Variants in TNFAIP8L1 observed in about 807,000 individuals in gnomAD.
The protein encoded by TNFAIP8L1 is tumor necrosis factor alpha-induced protein 8-like protein 1.
For missense variants in TNFAIP8L1, 225 were observed against 266.1 expected (o/e 0.85, Z 1.08); for synonymous variants, 127 against 125.6 (o/e 1.01, Z -0.08).
At position 4,646,989 on chromosome 19, in the gene TNFAIP8L1, G is replaced by A. The variant is rs562563293; in HGVS notation, c.-3-4878G>A. Among the ~76,000 whole-genome samples the A allele has an allele frequency of 2.5e-4, 38 of 152,312 alleles. No homozygotes were observed. In the South Asian group the frequency reaches 5.0e-3, roughly 20 times the overall value. ...TTGTGGCCTTGTGTGTCTGGCTTCT[G>A]TCACTGGGAATGATGTCCTCAAGGT... On this transcript the variant is annotated intron_variant, in intron 1 of 1. Coordinates refer to ENST00000327473, the MANE Select transcript of TNFAIP8L1 (RefSeq NM_152362.3).
Position 4,641,293 on chromosome 19 carries a change from G to A in TNFAIP8L1, c.-4+1664G>A, listed in dbSNP as rs1284665899. The A allele has an allele frequency of 1.3e-5, 2 of 151,960 alleles. No homozygotes were observed. Among genetic ancestry groups the A allele is most frequent in the Non-Finnish European group, 2.9e-5 (2 of 68,008 alleles). The allele number at this position is 151,960 out of a possible 1,614,324, so 9.4% of individuals were successfully genotyped here. On this transcript the variant is annotated intron_variant, in intron 1 of 1. Coordinates refer to ENST00000327473, the MANE Select transcript of TNFAIP8L1 (RefSeq NM_152362.3). This position sits in a 1 kb window ranked among gnomAD's most constrained non-coding sequence, Gnocchi z 4.6. ...GTCTGTCCAATGGGGCCACGAAAGG[G>A]TGCCTTGAGGACAAAACTCCAGCCG...
In TNFAIP8L1 at chr19:4,652,411, T is replaced by G; in HGVS notation, c.542T>G (p.Leu181Arg). 2.0e-6 allele frequency: 3 copies of G among 1,533,206 alleles called. No homozygotes were observed. Among genetic ancestry groups the G allele is most frequent in the Non-Finnish European group, 2.6e-6 (3 of 1,138,272 alleles). 95.0% of individuals were successfully genotyped at this position (1,533,206 alleles called of 1,614,324 possible). ...RRICEGLGRM[L>R]DEGSL is the part of the protein sequence containing the mutation. ...ATCTGCGAGGGCCTGGGCCGGATGCTGGACGAGGGCAGCCTCTGAACCCCG... is the reference window on the plus strand; with the variant it reads ...ATCTGCGAGGGCCTGGGCCGGATGCGGGACGAGGGCAGCCTCTGAACCCCG... Residue 181 changes from leucine to arginine, a missense_variant, in exon 2 of 2, where the codon CTG becomes CGG. Leu to Arg is a moderately radical substitution (Grantham distance 102, BLOSUM62 -2). Coordinates refer to ENST00000327473, the MANE Select transcript of TNFAIP8L1 (RefSeq NM_152362.3).
At chr19:4,647,113 T>C (rs1347046376) in intron 1 of TNFAIP8L1, among the ~76,000 whole-genome samples, 2 of 152,212 alleles carry the variant, frequency 1.3e-5, no homozygotes, top group Admixed American at 1.3e-4. Flanking sequence ...CATTCACCCA[T>C]TAATGGACAT....
chr19:4,649,338 C>T (rs960802891), intron 1 of TNFAIP8L1, among the ~76,000 whole-genome samples: 1 of 152,036 alleles, frequency 6.6e-6, no homozygotes, highest in African/African-American at 2.4e-5. Context: ...TGGTTGCAGC[C>T]TCTCGTCCAG....
intron 1 of TNFAIP8L1, among the ~76,000 whole-genome samples, chr19:4,648,851 G>A (rs192675717): frequency 6.6e-6 from 1 of 151,960 alleles, no homozygotes; most frequent in African/African-American, 2.4e-5. Context: ...GAGTCCCCTC[G>A]GTTTATTCAT....
In TNFAIP8L1 at chr19:4,645,646, G is replaced by A. The variant is rs75888064; in HGVS notation, c.-4+6017G>A. ...TTAAATAAAGTACATTTAAGCCAGG[G>A]GTGGTAGCTCACACCTGTAGTCCCA... On this transcript the variant is annotated intron_variant, in intron 1 of 1. Transcript: ENST00000327473. This position sits in a 1 kb window ranked among gnomAD's most constrained non-coding sequence, Gnocchi z 4.1. 7.4e-3 allele frequency among the ~76,000 whole-genome samples: 1,127 copies of A among 151,644 alleles called. 13 individuals are homozygous for A. The highest frequency in any genetic ancestry group is 0.01 in the Non-Finnish European group (702 of 67,832).
chr19:4,640,246 C>CT (rs1179955120), intron 1 of TNFAIP8L1: 9 of 152,292 alleles, frequency 5.9e-5, no homozygotes, highest in Admixed American at 5.2e-4. Flanking sequence ...GGATGGGAAA[C>CT]TAAGGCCTAG....
At chr19:4,648,376 C>T (rs975309259) in intron 1 of TNFAIP8L1, among the ~76,000 whole-genome samples, 45 of 152,162 alleles carry the variant, frequency 3.0e-4, no homozygotes, top group African/African-American at 9.2e-4. Context: ...TTTTGGTCCT[C>T]GGCCTGTTCC....
At chr19:4,649,417 C>T (rs1166312175) in intron 1 of TNFAIP8L1, among the ~76,000 whole-genome samples, 1 of 152,130 alleles carries the variant, frequency 6.6e-6, no homozygotes, top group African/African-American at 2.4e-5. Flanking sequence ...AAGTTCGTTC[C>T]GATCTTCCCC....
At chr19:4,649,821 C>T (rs561973353) in intron 1 of TNFAIP8L1, among the ~76,000 whole-genome samples, 12 of 152,256 alleles carry the variant, frequency 7.9e-5, no homozygotes, top group African/African-American at 1.2e-4. Flanking sequence ...AGGGCAGGGG[C>T]GGCCCATCCA....
intron 1 of TNFAIP8L1, among the ~76,000 whole-genome samples, chr19:4,643,215 G>C (rs1221327297): frequency 6.6e-6 from 1 of 151,512 alleles, no homozygotes; most frequent in Non-Finnish European, 1.5e-5. Context: ...GGAGGCGGAG[G>C]TTGCAGTGAG....
intron 1 of TNFAIP8L1, among the ~76,000 whole-genome samples, chr19:4,648,139 C>T (rs2088329221): frequency 6.6e-6 from 1 of 152,214 alleles, no homozygotes; most frequent in Non-Finnish European, 1.5e-5. Context: ...AGCTTCTGCC[C>T]CAGGACAGCT....
At chr19:4,644,911 G>A (rs1303663000) in intron 1 of TNFAIP8L1, among the ~76,000 whole-genome samples, 1 of 152,084 alleles carries the variant, frequency 6.6e-6, no homozygotes, top group Non-Finnish European at 1.5e-5. Flanking sequence ...TGTGAGTCAT[G>A]GGTCTTAAAG....
chr19:4,646,635 A>G (rs1409691376), intron 1 of TNFAIP8L1, among the ~76,000 whole-genome samples: 3 of 141,352 alleles, frequency 2.1e-5, no homozygotes, highest in Non-Finnish European at 4.7e-5. Context: ...TCTCCTGAAC[A>G]TTTTTTTTTT....
chr19:4,648,109 G>C (rs532783818), intron 1 of TNFAIP8L1, among the ~76,000 whole-genome samples: 1 of 152,356 alleles, frequency 6.6e-6, no homozygotes, highest in East Asian at 1.9e-4. Context: ...GCTGGCTCAG[G>C]ACACTGGGGT....
Position 4,651,975 on chromosome 19 carries a change from A to T in TNFAIP8L1, c.106A>T (p.Ser36Cys). The change falls in exon 2 of 2, where the codon AGT becomes TGT. Residue 36 changes from serine (S) to cysteine (C), a missense_variant. Ser to Cys is a moderately radical substitution (Grantham distance 112). Coordinates refer to ENST00000327473, the MANE Select transcript of TNFAIP8L1 (RefSeq NM_152362.3). The part of the protein sequence containing the change: ...VVAVLVDDTS[S>C]EVLDELYRAT... ...GGCCGTGCTGGTGGATGACACCAGC[A>T]GTGAGGTGCTGGATGAGCTGTACCG... 6.2e-7 allele frequency: 1 copy of T among 1,614,136 alleles called. No individual in the cohort carries two copies. The highest frequency in any genetic ancestry group is 8.5e-7 in the Non-Finnish European group (1 of 1,180,010).
chr19:4,645,912 CA>C lies in TNFAIP8L1; in HGVS notation c.-3-5953del, dbSNP rs1186004240. The stretch of plus-strand genomic sequence containing the variant: ...TGAGGCCTCCTGGCTGTTCCTGTAA[CA>C]AGCGTGACACAGCCCTGCCCCAGGG... On this transcript the variant is annotated intron_variant, in intron 1 of 1. Transcript: ENST00000327473. The surrounding 1 kb of genome is among the most constrained non-coding windows in gnomAD (Gnocchi z 4.1). Among the ~76,000 whole-genome samples the C allele has an allele frequency of 6.6e-6, 1 of 152,062 alleles. No individual in the cohort carries two copies. Among genetic ancestry groups the C allele is most frequent in the Non-Finnish European group, 1.5e-5 (1 of 68,010 alleles).
chr19:4,652,265 T>C lies in TNFAIP8L1; in HGVS notation c.396T>C (p.Gly132=), dbSNP rs1278886940. The part of the protein sequence containing the change: ...ECRDLLHQAV[G]PHLTAKSHGR... ...GCGACCTGCTGCACCAGGCCGTGGG[T>C]CCCCACCTGACCGCCAAGTCCCACG... The change falls in exon 2 of 2, where the codon GGT becomes GGC. Residue 132 remains glycine (G), a synonymous_variant. Coordinates refer to ENST00000327473, the MANE Select transcript of TNFAIP8L1 (RefSeq NM_152362.3). The C allele has an allele frequency of 6.4e-7, 1 of 1,563,470 alleles. No individual in the cohort carries two copies. Among genetic ancestry groups the C allele is most frequent in the East Asian group, 2.4e-5 (1 of 41,828 alleles).
intron 1 of TNFAIP8L1, among the ~76,000 whole-genome samples, chr19:4,651,647 T>G (rs2088365296): frequency 6.6e-6 from 1 of 151,434 alleles, no homozygotes. Context: ...TCACCATGTT[T>G]GCCAGGCTGG....
Sources: gnomAD v4.1 joint callset for allele counts (sites outside exome capture counted in the v4.1 genomes callset) on GRCh38, gnomAD v4.1.1 for gene constraint, Gnocchi (gnomAD v3.1) non-coding constraint, MANE v1.5 for transcripts, NCBI Gene and HGNC (gene_info 2026-07-23, HGNC 2026-07-21) for gene names.